The following SIAE variants were observed in gnomAD, a reference collection of about 807,000 sequenced individuals.
The protein encoded by SIAE is sialate O-acetylesterase.
A neutral mutation model predicts 52.6 loss-of-function variants in SIAE; 39 were observed. The observed-to-expected ratio is 0.74, with a 90% confidence interval of 0.57 to 0.97. The LOEUF is 0.97. Among genes scored for constraint, SIAE ranks in the 50% least tolerant of loss-of-function variants. The probability of loss-of-function intolerance (pLI) is 0.00; values close to 1 mark genes in which losing one functional copy is unlikely to be tolerated. For missense variants in SIAE, 592 were observed against 662.1 expected (o/e 0.89, Z 1.16); for synonymous variants, 233 against 241.4 (o/e 0.97, Z 0.32).
chr11:124,659,264 A>T (rs1338437952), intron 3 of SIAE: 1 of 152,230 alleles, frequency 6.6e-6, no homozygotes, highest in Admixed American at 6.5e-5. Flanking sequence ...GCAAACAGGG[A>T]ACTGCAATTA....
Position 124,645,404 on chromosome 11 carries a change from C to T in SIAE, c.966+1961G>A, listed in dbSNP as rs1315632633. ...ACAATCTACGCCTCCTGGGTTCAAG[C>T]GATTCTCCTGCCTCAGCCTCCAGAG... is the stretch of plus-strand genomic sequence containing the variant. On this transcript the variant is annotated intron_variant, in intron 7 of 9. Transcript: ENST00000263593. This position sits in a 1 kb window ranked among gnomAD's most constrained non-coding sequence, Gnocchi z 4.7. Among the ~76,000 whole-genome samples the T allele has an allele frequency of 2.0e-5, 3 of 151,748 alleles. No individual in the cohort carries two copies. Among genetic ancestry groups the T allele is most frequent in the African/African-American group, 4.8e-5 (2 of 41,300 alleles).
At chr11:124,637,412 A>G (rs1421225410) in intron 9 of SIAE, among the ~76,000 whole-genome samples, 8 of 152,242 alleles carry the variant, frequency 5.3e-5, no homozygotes, top group South Asian at 2.1e-4. Flanking sequence ...GATCAAATAA[A>G]TAATTTTAAT....
intron 2 of SIAE, among the ~76,000 whole-genome samples, chr11:124,667,835 C>T (rs755814663): frequency 6.6e-6 from 1 of 152,138 alleles, no homozygotes; most frequent in Non-Finnish European, 1.5e-5. Context: ...GAGACTCACT[C>T]CTTTGTAATA....
intron 2 of SIAE, among the ~76,000 whole-genome samples, chr11:124,668,018 A>C (rs1308097826): frequency 3.3e-5 from 5 of 152,086 alleles, no homozygotes; most frequent in Admixed American, 2.6e-4. Flanking sequence ...GAACTTTCTA[A>C]AATATCTATC....
chr11:124,653,273 G>C (rs1259297605), intron 4 of SIAE, among the ~76,000 whole-genome samples: 1 of 152,150 alleles, frequency 6.6e-6, no homozygotes, highest in East Asian at 1.9e-4. Context: ...CCAGCACTTA[G>C]AACAGTGTCG....
At chr11:124,672,228 T>G (rs1943373206) in intron 1 of SIAE, among the ~76,000 whole-genome samples, 1 of 152,172 alleles carries the variant, frequency 6.6e-6, no homozygotes, top group South Asian at 2.1e-4. Flanking sequence ...GTCTTCAGTT[T>G]TTTCCTTCAT....
At chr11:124,643,818 A>G (rs988144878) in intron 7 of SIAE, among the ~76,000 whole-genome samples, 4 of 152,214 alleles carry the variant, frequency 2.6e-5, no homozygotes, top group African/African-American at 9.6e-5. Context: ...CTGTAAGTCA[A>G]ACCACAAACT....
Position 124,636,823 on chromosome 11 carries a change from T to C in SIAE, c.*128A>G. ...TCAGAATATAGAAACAGCCATGTGC[T>C]AGCTGAAAGCCATTCAATGAGGCTT... is the stretch of plus-strand genomic sequence containing the variant. On this transcript the variant is annotated 3_prime_UTR_variant, in exon 10 of 10. Transcript: ENST00000263593. The C allele has an allele frequency of 7.6e-7, 1 of 1,324,136 alleles. No homozygotes were observed. Among genetic ancestry groups the C allele is most frequent in the African/African-American group, 1.5e-5 (1 of 68,830 alleles). 82.0% of individuals were successfully genotyped at this position (1,324,136 alleles called of 1,614,324 possible).
rs59083800 is a variant in SIAE, at chr11:124,662,455, G to A, written c.230-1652C>T. ...TGAGGTCAACCTCCAGAAAACCAAG[G>A]ACTATTTCTTAGCCTTCTATTGCTA... On this transcript the variant is annotated intron_variant, in intron 2 of 9. Transcript: ENST00000263593. Among the ~76,000 whole-genome samples the A allele has an allele frequency of 8.4e-3, 1,286 of 152,200 alleles. 24 individuals carry two copies. In the East Asian group the frequency reaches 0.091, roughly 11 times the overall value.
intron 4 of SIAE, chr11:124,654,108 C>T (rs141825024): frequency 0.017 from 8,791 of 505,816 alleles, 99 homozygotes; most frequent in Non-Finnish European, 0.02. Flanking sequence ...ACCCAGGAGG[C>T]GGAGGTTGCA....
upstream of SIAE, chr11:124,675,340 G>A (rs754734234): frequency 6.2e-6 from 10 of 1,614,060 alleles, no homozygotes; most frequent in South Asian, 7.7e-5. Context: ...GCTGACACGC[G>A]AGATTCTGAG....
intron 3 of SIAE, chr11:124,660,383 C>A: frequency 1.9e-6 from 1 of 523,600 alleles, no homozygotes; most frequent in Non-Finnish European, 3.5e-6. Context: ...AATACTCCTT[C>A]TAAGTTCTTA....
chr11:124,641,959 CAAAAAAAAAA>C (rs11327177), intron 7 of SIAE, among the ~76,000 whole-genome samples: 2 of 39,222 alleles, frequency 5.1e-5, no homozygotes, highest in South Asian at 1.8e-3. Flanking sequence ...GACTCCATCT[CAAAAAAAAAA>C]AAAAAAAAAA....
At chr11:124,640,144 A>G (rs1041339578) in intron 7 of SIAE, among the ~76,000 whole-genome samples, 1 of 152,104 alleles carries the variant, frequency 6.6e-6, no homozygotes, top group Non-Finnish European at 1.5e-5. Flanking sequence ...GCTTTGACCC[A>G]TAGAATGCAG....
intron 9 of SIAE, 134 bp downstream of exon 9, chr11:124,638,408 G>A (rs1316854343): frequency 2.2e-6 from 2 of 899,492 alleles, no homozygotes; most frequent in Non-Finnish European, 3.6e-6. Flanking sequence ...TTTATTTGCA[G>A]CTCTGAAATA....
chr11:124,673,429 G>A (rs1451436372), intron 1 of SIAE, among the ~76,000 whole-genome samples: 8 of 152,238 alleles, frequency 5.3e-5, no homozygotes, highest in Admixed American at 5.2e-4. Flanking sequence ...GTCAGGGATG[G>A]TAAGTGGGGG....
chr11:124,659,889 CAT>C (rs1385501810), intron 3 of SIAE: 1 of 152,282 alleles, frequency 6.6e-6, no homozygotes, highest in Non-Finnish European at 1.5e-5. Flanking sequence ...AGTATACAAA[CAT>C]ATTGTATTTC....
Position 124,643,459 on chromosome 11 carries a change from A to C in SIAE, c.967-3592T>G, listed in dbSNP as rs185684494. On this transcript the variant is annotated intron_variant, in intron 7 of 9. Coordinates refer to ENST00000263593, the MANE Select transcript of SIAE (RefSeq NM_170601.5). ...AAAAAAAGGTAAAAGCAGGAAGAAGACCAGTTAGGAGGCAATAATACAAGG... is the reference window on the plus strand; with the variant it reads ...AAAAAAAGGTAAAAGCAGGAAGAAGCCCAGTTAGGAGGCAATAATACAAGG... Among the ~76,000 whole-genome samples the C allele has an allele frequency of 5.3e-5, 8 of 152,176 alleles. No homozygotes were observed. In the East Asian group the frequency reaches 5.8e-4, roughly 11 times the overall value.
upstream of SIAE, chr11:124,673,939 C>T (rs953303671): frequency 6.9e-6 from 4 of 581,188 alleles, no homozygotes; most frequent in Admixed American, 3.0e-5. Context: ...GGCACCAGCT[C>T]GGAGAGAAAG....
Sources: gnomAD v4.1 joint callset for allele counts (sites outside exome capture counted in the v4.1 genomes callset) on GRCh38, gnomAD v4.1.1 for gene constraint, Gnocchi (gnomAD v3.1) non-coding constraint, MANE v1.5 for transcripts, NCBI Gene and HGNC (gene_info 2026-07-23, HGNC 2026-07-21) for gene names.